Variants in SCN7A observed in about 807,000 individuals in gnomAD.
SCN7A encodes the protein sodium channel protein type 7 subunit alpha.
SCN7A carries 138 observed loss-of-function variants against 155.2 expected under a neutral mutation model. That is an observed-to-expected ratio of 0.89 (90% confidence interval 0.77 to 1.02). SCN7A has a LOEUF of 1.02. Ranked by LOEUF, SCN7A falls within the 50% of genes least tolerant of loss-of-function variation. The pLI, the probability that SCN7A is intolerant of heterozygous loss-of-function variation, is 0.00. For missense variants in SCN7A, 2,058 were observed against 1,986.6 expected, an observed-to-expected ratio of 1.04 and a Z score of -0.68; for synonymous variants, 693 against 649.0, an observed-to-expected ratio of 1.07 and a Z score of -1.03.
At chr2:166,447,517 C>T in intron 12 of SCN7A, 95 bp downstream of exon 12, 8 of 722,160 alleles carry the variant, frequency 1.1e-5, no homozygotes, top group Middle Eastern at 4.0e-4. Context: ...TTGTTATTAC[C>T]ATCTAAGATT....
chr2:166,466,682 C>A (rs1392263559), intron 7 of SCN7A, among the ~76,000 whole-genome samples: 1 of 151,854 alleles, frequency 6.6e-6, no homozygotes, highest in Non-Finnish European at 1.5e-5. Context: ...CCTTCCCTCC[C>A]TCCTCCCTTT....
intron 15 of SCN7A, among the ~76,000 whole-genome samples, chr2:166,438,724 TC>T (rs774554666): frequency 5.3e-4 from 80 of 152,112 alleles, no homozygotes; most frequent in Non-Finnish European, 9.4e-4. Flanking sequence ...CTTACATTTT[TC>T]CCCCTTCTAC....
At chr2:166,411,458 C>G (rs932908174) in intron 23 of SCN7A, among the ~76,000 whole-genome samples, 1 of 149,986 alleles carries the variant, frequency 6.7e-6, no homozygotes, top group African/African-American at 2.4e-5. Context: ...GTGATGCTGG[C>G]CTTCGAATAC....
At chr2:166,479,929 C>T (rs1702882762) in intron 2 of SCN7A, among the ~76,000 whole-genome samples, 1 of 152,112 alleles carries the variant, frequency 6.6e-6, no homozygotes, top group South Asian at 2.1e-4. Context: ...TCTTCCCAGA[C>T]TAATGGTATA....
rs1383201706 is a variant in SCN7A at position 166,405,026 on chromosome 2, T to C, written c.*554A>G. ...TAAACACAGAGCTTCAACCAATCTT[T>C]TTCAAATGCAGTTTTAATCAGCCCA... On this transcript the variant is annotated 3_prime_UTR_variant, in exon 26 of 26. Transcript: ENST00000643258. 6.6e-6 allele frequency: 1 copy of C among 151,916 alleles called. No homozygotes were observed. Among genetic ancestry groups the C allele is most frequent in the African/African-American group, 2.4e-5 (1 of 41,386 alleles). 9.4% of individuals were successfully genotyped at this position (151,916 alleles called of 1,614,324 possible). A position where few individuals can be genotyped will look rare whatever the true frequency, so the allele number is the denominator to read the frequency against.
intron 7 of SCN7A, 24 bp from the exon 8 acceptor site, chr2:166,466,011 C>T (rs749629944): frequency 3.3e-5 from 51 of 1,556,656 alleles, no homozygotes; most frequent in East Asian, 4.6e-5. Flanking sequence ...CATTTGTTTT[C>T]GAAATAATGT....
At chr2:166,434,886 A>G (rs945126865) in intron 15 of SCN7A, among the ~76,000 whole-genome samples, 2 of 152,156 alleles carry the variant, frequency 1.3e-5, no homozygotes, top group African/African-American at 4.8e-5. Context: ...CAAAATAGGT[A>G]ATAAACAAAT....
intron 11 of SCN7A, among the ~76,000 whole-genome samples, chr2:166,450,490 A>T (rs535463484): frequency 6.6e-6 from 1 of 151,940 alleles, no homozygotes; most frequent in South Asian, 2.1e-4. Flanking sequence ...AAGAAATTTA[A>T]AAAAAAAGTA....
intron 11 of SCN7A, among the ~76,000 whole-genome samples, chr2:166,456,508 A>AAT (rs1207371523): frequency 2.0e-5 from 3 of 152,152 alleles, no homozygotes; most frequent in Non-Finnish European, 4.4e-5. Flanking sequence ...CAAACAAAAA[A>AAT]ATATCATAAG....
intron 2 of SCN7A, among the ~76,000 whole-genome samples, chr2:166,482,129 T>C (rs1702943669): frequency 6.6e-6 from 1 of 152,174 alleles, no homozygotes; most frequent in Admixed American, 6.5e-5. Flanking sequence ...TTTCACATGA[T>C]ATAAAAGTCT....
intron 16 of SCN7A, among the ~76,000 whole-genome samples, chr2:166,430,495 A>G (rs1701711591): frequency 6.6e-6 from 1 of 151,920 alleles, no homozygotes; most frequent in African/African-American, 2.4e-5. Flanking sequence ...TATACATCAT[A>G]AATTTATATT....
chr2:166,493,846 T>C (rs888457862), intron 1 of SCN7A, 122 bp downstream of exon 1: 1 of 152,414 alleles, frequency 6.6e-6, no homozygotes, highest in African/African-American at 2.4e-5. Context: ...TCTGTCCTCC[T>C]GCTGGGGACC....
rs1322163863 is a variant in SCN7A, at chr2:166,405,943, C to CA, written c.4685dup (p.Leu1562PhefsTer49). The CA allele has an allele frequency of 1.9e-6, 3 of 1,612,916 alleles. No individual in the cohort carries two copies. The highest frequency in any genetic ancestry group is 2.5e-6 in the Non-Finnish European group (3 of 1,179,358). ...TGTCCCCAACAGCCATGGGGAGGTC[C>CA]AAAGCAATGAGCTGGCCCTTGTTTG... On this transcript the variant is annotated frameshift_variant, in exon 26 of 26. Transcript: ENST00000643258. LOFTEE classifies it low-confidence loss of function (END_TRUNC).
Position 166,403,701 on chromosome 2 carries a change from A to G in SCN7A, c.*1879T>C, listed in dbSNP as rs1321190656. The G allele has an allele frequency of 6.6e-6, 1 of 152,032 alleles. No individual in the cohort carries two copies. Among genetic ancestry groups the G allele is most frequent in the Non-Finnish European group, 1.5e-5 (1 of 67,956 alleles). The allele number at this position is 152,032 out of a possible 1,614,324, so 9.4% of individuals were successfully genotyped here. A position where few individuals can be genotyped will look rare whatever the true frequency, so the allele number is the denominator to read the frequency against. On this transcript the variant is annotated 3_prime_UTR_variant, in exon 26 of 26. Transcript: ENST00000643258. ...AACTGGCAAACAAGGTTTACAAGTA[A>G]AAGATAAACTTTTCAAACTAAAATC... is the stretch of plus-strand genomic sequence containing the variant.
intron 16 of SCN7A, among the ~76,000 whole-genome samples, chr2:166,431,986 C>G (rs1304474494): frequency 6.6e-6 from 1 of 151,956 alleles, no homozygotes; most frequent in Non-Finnish European, 1.5e-5. Context: ...CTCAAACTGC[C>G]TGGTTATTAA....
intron 3 of SCN7A, among the ~76,000 whole-genome samples, chr2:166,475,119 T>TACAC (rs1553520550): frequency 2.1e-4 from 27 of 130,154 alleles, no homozygotes; most frequent in South Asian, 1.7e-3. Flanking sequence ...TATATATATA[T>TACAC]ACATATATAT....
At chr2:166,466,856 C>T in intron 7 of SCN7A, among the ~76,000 whole-genome samples, 1 of 151,812 alleles carries the variant, frequency 6.6e-6, no homozygotes, top group East Asian at 1.9e-4. Flanking sequence ...GGAAATAATA[C>T]CTACTTTCTA....
chr2:166,433,050 G>A (rs1181538435), intron 15 of SCN7A, among the ~76,000 whole-genome samples: 1 of 152,044 alleles, frequency 6.6e-6, no homozygotes, highest in Admixed American at 6.6e-5. Context: ...CTTCCAGAGT[G>A]TGAAAGAACA....
At chr2:166,427,691 C>G in intron 18 of SCN7A, 97 bp downstream of exon 18, 2 of 1,104,138 alleles carry the variant, frequency 1.8e-6, no homozygotes, top group Non-Finnish European at 1.3e-6. Context: ...TACTAAATAT[C>G]CTTGGAAATG....
Sources: allele counts gnomAD v4.1 joint callset (sites outside exome capture counted in the v4.1 genomes callset), GRCh38; gene constraint gnomAD v4.1.1; transcripts MANE v1.5; gene names NCBI Gene and HGNC (gene_info 2026-07-23, HGNC 2026-07-21).